Variants in MAST4 observed in about 807,000 individuals in gnomAD.
MAST4 encodes microtubule associated serine/threonine kinase family member 4, also known as microtubule-associated serine/threonine-protein kinase 4.
MAST4 carries 89 observed loss-of-function variants against 162.7 expected under a neutral mutation model. The observed-to-expected ratio is 0.55, with a 90% confidence interval of 0.46 to 0.65. The LOEUF is 0.65. Ranked by LOEUF, MAST4 falls within the 30% of genes least tolerant of loss-of-function variation. The pLI is 0.00. For missense variants in MAST4, 3,153 were observed against 3,374.0 expected (o/e 0.93, Z 1.62); for synonymous variants, 1,479 against 1,361.1 (o/e 1.09, Z -1.91).
intron 3 of MAST4, among the ~76,000 whole-genome samples, chr5:66,891,814 G>C (rs1396999534): frequency 2.6e-5 from 4 of 152,198 alleles, no homozygotes; most frequent in Admixed American, 2.6e-4. Context: ...GAATTGCAAA[G>C]ACTAGAAAAC....
At chr5:66,700,201 T>C (rs1405972525) in intron 1 of MAST4, among the ~76,000 whole-genome samples, 1 of 152,228 alleles carries the variant, frequency 6.6e-6, no homozygotes, top group Non-Finnish European at 1.5e-5. Flanking sequence ...AATAATTAAC[T>C]GTAGTTCGAA....
chr5:66,888,327 G>A (rs892872529), intron 3 of MAST4, among the ~76,000 whole-genome samples: 7 of 152,182 alleles, frequency 4.6e-5, no homozygotes, highest in Non-Finnish European at 1.0e-4. Context: ...ATGGCCAGAA[G>A]AAAGTAGACT....
chr5:66,834,740 A>G (rs927935091), intron 3 of MAST4, among the ~76,000 whole-genome samples: 2 of 152,190 alleles, frequency 1.3e-5, no homozygotes, highest in African/African-American at 4.8e-5. Flanking sequence ...CTGTTGTGTG[A>G]GATAACATAG....
chr5:66,961,496 T>C (rs578042134), intron 4 of MAST4, among the ~76,000 whole-genome samples: 1 of 152,370 alleles, frequency 6.6e-6, no homozygotes, highest in Non-Finnish European at 1.5e-5. Context: ...CTGATTCCTG[T>C]TTCAGATATT....
chr5:66,631,167 A>G (rs572234784), intron 1 of MAST4, among the ~76,000 whole-genome samples: 17 of 152,334 alleles, frequency 1.1e-4, no homozygotes, highest in African/African-American at 3.1e-4. Flanking sequence ...GTGGATCAAA[A>G]AGAATGAATA....
intron 4 of MAST4, among the ~76,000 whole-genome samples, chr5:67,037,314 C>T (rs1435534398): frequency 6.6e-6 from 1 of 152,140 alleles, no homozygotes; most frequent in African/African-American, 2.4e-5. Flanking sequence ...TCTTGGAGGG[C>T]AAGCCTGTTC....
intron 1 of MAST4, among the ~76,000 whole-genome samples, chr5:66,654,578 T>G (rs1437230988): frequency 6.6e-6 from 1 of 152,210 alleles, no homozygotes; most frequent in Non-Finnish European, 1.5e-5. Flanking sequence ...AAGATTTAAC[T>G]GTTGAAGTTT....
chr5:66,882,446 C>A (rs180677012), intron 3 of MAST4, among the ~76,000 whole-genome samples: 51 of 152,098 alleles, frequency 3.4e-4, no homozygotes, highest in African/African-American at 1.1e-3. Context: ...TTTTTCTTGG[C>A]AATTCATTTG....
chr5:66,954,770 A>G (rs1315779380), intron 4 of MAST4, among the ~76,000 whole-genome samples: 1 of 152,032 alleles, frequency 6.6e-6, no homozygotes, highest in Non-Finnish European at 1.5e-5. Flanking sequence ...GTGTGATGAC[A>G]TGTGCCTGTA....
chr5:67,059,921 A>G (rs1759339545), intron 5 of MAST4, among the ~76,000 whole-genome samples: 1 of 152,136 alleles, frequency 6.6e-6, no homozygotes, highest in Non-Finnish European at 1.5e-5. Context: ...CAACAAAACA[A>G]AACATCCCGA....
chr5:67,052,666 T>A (rs1047292716), intron 4 of MAST4, among the ~76,000 whole-genome samples: 1 of 151,676 alleles, frequency 6.6e-6, no homozygotes, highest in Non-Finnish European at 1.5e-5. Flanking sequence ...ACATTTCTTA[T>A]GAATTTTATT....
At chr5:67,147,054 GA>G in intron 23 of MAST4, among the ~76,000 whole-genome samples, 1 of 152,060 alleles carries the variant, frequency 6.6e-6, no homozygotes, top group Non-Finnish European at 1.5e-5. Context: ...GGTAGGAGGG[GA>G]AGGGAGGGGA....
intron 4 of MAST4, among the ~76,000 whole-genome samples, chr5:67,052,534 C>G (rs940463665): frequency 6.6e-6 from 1 of 151,786 alleles, no homozygotes; most frequent in East Asian, 1.9e-4. Context: ...TGGTAGTGTA[C>G]GTTTCTTAGA....
intron 11 of MAST4, among the ~76,000 whole-genome samples, chr5:67,113,313 C>CAAAAA (rs34018550): frequency 2.4e-4 from 16 of 67,362 alleles, no homozygotes; most frequent in Admixed American, 4.6e-4. Context: ...GACTCCGTCT[C>CAAAAA]AAAAAAAAAA....
chr5:67,033,654 C>T (rs1449929918), intron 4 of MAST4, among the ~76,000 whole-genome samples: 9 of 152,034 alleles, frequency 5.9e-5, no homozygotes, highest in African/African-American at 2.4e-5. Flanking sequence ...ATCTAGATTT[C>T]GTTATATGAT....
At chr5:66,821,082 A>G (rs1335980136) in intron 3 of MAST4, among the ~76,000 whole-genome samples, 1 of 152,212 alleles carries the variant, frequency 6.6e-6, no homozygotes, top group Non-Finnish European at 1.5e-5. Flanking sequence ...CTTGCTACTG[A>G]TCCCACCTGC....
intron 2 of MAST4, among the ~76,000 whole-genome samples, chr5:66,763,328 C>T (rs919540459): frequency 3.3e-5 from 5 of 152,100 alleles, no homozygotes; most frequent in Non-Finnish European, 7.4e-5. Flanking sequence ...GGCTCCCAGT[C>T]GTTTAATTGT....
At chr5:66,965,207 G>GTTTTTTTTTTTTTTTTTTTTTTTTTTT (rs778107881) in intron 4 of MAST4, among the ~76,000 whole-genome samples, 1 of 82,872 alleles carries the variant, frequency 1.2e-5, no homozygotes, top group Non-Finnish European at 2.4e-5. Context: ...CATAAGAGTA[G>GTTTTTTTTTTTTTTTTTTTTTTTTTTT]TTTTTTTTTT....
rs377530534 is a variant in MAST4, at chr5:66,829,977, TG to T, written c.642+41185del. On this transcript the variant is annotated intron_variant, in intron 3 of 28. Coordinates refer to ENST00000403625, the MANE Select transcript of MAST4 (RefSeq NM_001164664.2). ...ACTACCTCCTTAATGAATTTCAGTG[TG>T]GTCATTGTTTTTGAATGCACAGTGT... is the stretch of plus-strand genomic sequence containing the variant. Among the ~76,000 whole-genome samples the T allele has an allele frequency of 5.8e-4, 88 of 152,312 alleles. 3 individuals are homozygous for T. The East Asian group carries it at 0.013, about 23-fold the overall frequency.
Sources: allele counts gnomAD v4.1 joint callset (sites outside exome capture counted in the v4.1 genomes callset), GRCh38; gene constraint gnomAD v4.1.1; transcripts MANE v1.5; gene names NCBI Gene and HGNC (gene_info 2026-07-23, HGNC 2026-07-21).